The following NPC1 variants were observed in gnomAD, a reference collection of about 807,000 sequenced individuals.
NPC1 encodes the protein NPC intracellular cholesterol transporter 1, also known as Niemann-Pick C1 protein.
In NPC1, 85 loss-of-function variants were observed where a neutral mutation model predicts 140.4. The observed-to-expected ratio is 0.61, with a 90% CI of 0.51 to 0.72. The LOEUF is 0.72. NPC1 is among the 30% of genes least tolerant of loss of function. The probability of loss-of-function intolerance (pLI) is 0.00; values close to 1 mark genes in which losing one functional copy is unlikely to be tolerated. For missense variants in NPC1, 1,504 were observed against 1,623.8 expected (o/e 0.93, Z 1.27); for synonymous variants, 656 against 624.8 (o/e 1.05, Z -0.74).
intron 3 of NPC1, chr18:23,516,480 TAGA>T (rs1234917254): frequency 5.1e-6 from 8 of 1,562,144 alleles, no homozygotes; most frequent in Admixed American, 5.0e-5. Flanking sequence ...ATATAAATAA[TAGA>T]AGGAGTGTGT....
chr18:23,533,083 TC>T, intron 24 of NPC1: 1 of 656,678 alleles, frequency 1.5e-6, no homozygotes, highest in South Asian at 2.0e-5. Context: ...GACACTCAGA[TC>T]CATTCAAGGA....
downstream of NPC1, among the ~76,000 whole-genome samples, chr18:23,525,527 C>T (rs1008728975): frequency 5.3e-5 from 8 of 151,848 alleles, no homozygotes; most frequent in Admixed American, 4.6e-4. Context: ...TGGGTTTAAG[C>T]GATTCTCCTG....
At chr18:23,514,127 C>T (rs1235128136) in intron 3 of NPC1, among the ~76,000 whole-genome samples, 2 of 152,106 alleles carry the variant, frequency 1.3e-5, no homozygotes, top group Non-Finnish European at 2.9e-5. Flanking sequence ...TTTTGTTGAC[C>T]TAATGAAAGT....
downstream of NPC1, chr18:23,526,705 A>G (rs138572658): frequency 1.8e-5 from 29 of 1,613,950 alleles, no homozygotes; most frequent in South Asian, 2.2e-5. Flanking sequence ...AGGAAGACTC[A>G]TGGACTTTCT....
In NPC1 at chr18:23,544,544, C is replaced by T; in HGVS notation, c.1948-18G>A. On this transcript the variant is annotated intron_variant, in intron 12 of 24. Transcript: ENST00000269228. ...GAATCCACCTGAGAGAGGCGACAGA[C>T]ACAATCACCAATTAGTTACAGGGTT... The T allele has an allele frequency of 6.2e-7, 1 of 1,613,068 alleles. No individual in the cohort carries two copies. Among genetic ancestry groups the T allele is most frequent in the African/African-American group, 1.3e-5 (1 of 75,040 alleles).
At chr18:23,524,941 C>CTTTTTTTT (rs5823396), downstream of NPC1, among the ~76,000 whole-genome samples, 8 of 69,214 alleles carry the variant, frequency 1.2e-4, no homozygotes, top group East Asian at 5.1e-4. Flanking sequence ...TTAGAGAAAT[C>CTTTTTTTT]TTTTTTTTTT....
downstream of NPC1, chr18:23,529,929 T>C (rs557267623): frequency 7.3e-5 from 88 of 1,210,004 alleles, no homozygotes; most frequent in South Asian, 1.1e-3. Flanking sequence ...TGACAGACTT[T>C]TACTGTGTTG....
At chr18:23,508,096 A>T in intron 3 of NPC1, 2 of 1,520,104 alleles carry the variant, frequency 1.3e-6, no homozygotes, top group South Asian at 2.6e-5. Context: ...GAGCTGGGTT[A>T]TGTAGTGGAG....
rs142065882 is a variant in NPC1 at position 23,568,989 on chromosome 18, G to C, written c.297C>G (p.Ser99=). ...LPLQFLSRCP[S]CFYNLLNLFC... is the part of the protein sequence containing the mutation. ...ACAGGTTCAGTAGGTTATAAAAACAGGATGGACATCTAAAGGAAAAGTAAA... is the reference window on the plus strand; with the variant it reads ...ACAGGTTCAGTAGGTTATAAAAACACGATGGACATCTAAAGGAAAAGTAAA... Residue 99 remains serine, a synonymous_variant, in exon 4 of 25, where the codon TCC becomes TCG. Coordinates refer to ENST00000269228, the MANE Select transcript of NPC1 (RefSeq NM_000271.5). The C allele has an allele frequency of 6.2e-7, 1 of 1,612,712 alleles. No homozygotes were observed. The highest frequency in any genetic ancestry group is 1.3e-5 in the African/African-American group (1 of 75,002).
In NPC1 at chr18:23,568,786, C is replaced by G. The variant is rs1370261759; in HGVS notation, c.463+37G>C. On this transcript the variant is annotated intron_variant, in intron 4 of 24. Coordinates refer to ENST00000269228, the MANE Select transcript of NPC1 (RefSeq NM_000271.5). ...AACAATTTGCTCTGCTGTCCTGATG[C>G]CAGCTGTAAAAGAGGAATAATTAAA... The G allele has an allele frequency of 1.9e-6, 3 of 1,549,302 alleles. No homozygotes were observed. The South Asian group carries it at 3.3e-5, about 17-fold the overall frequency.
intron 1 of NPC1, among the ~76,000 whole-genome samples, chr18:23,585,266 C>T (rs2059403566): frequency 6.6e-6 from 1 of 152,164 alleles, no homozygotes; most frequent in Non-Finnish European, 1.5e-5. Flanking sequence ...GTTTTTAAGA[C>T]GGTGTTTCAC....
chr18:23,573,488 TG>T lies in NPC1; in HGVS notation c.143del (p.Pro48GlnfsTer11). 6.2e-7 allele frequency: 1 copy of T among 1,614,222 alleles called. No individual in the cohort carries two copies. Among genetic ancestry groups the T allele is most frequent in the Non-Finnish European group, 8.5e-7 (1 of 1,180,036 alleles). ...CATATCCATCCTTTGGCAATGGTTT[TG>T]GTGGGCCAGAATATTCGCAATTGTA... ...KRYNCEYSGPPKPLPKDGYDL... is the reference protein window; with the variant it reads ...KRYNCEYSGPXKPLPKDGYDL... On this transcript the variant is annotated frameshift_variant, in exon 2 of 25. Transcript: ENST00000269228. LOFTEE classifies it high-confidence loss of function.
At position 23,561,405 on chromosome 18, in the gene NPC1, T is replaced by C. The variant is rs754653682; in HGVS notation, c.586A>G (p.Lys196Glu). 5 of 1,614,190 alleles carry C rather than the reference T, an allele frequency of 3.1e-6. No homozygotes were observed. The East Asian group carries it at 1.1e-4, about 36-fold the overall frequency. Residue 196 changes from lysine to glutamate, a missense_variant, in exon 5 of 25, where the codon AAG becomes GAG. Transcript: ENST00000269228. The stretch of plus-strand genomic sequence containing the variant: ...GTAAAAGGTGCCTGTCCATTGTCCT[T>C]ATTGAACATGTATTCAATCCAGTTG... ...ATNWIEYMFN[K>E]DNGQAPFTIT...
intron 1 of NPC1, among the ~76,000 whole-genome samples, chr18:23,583,787 C>T (rs1490923317): frequency 6.6e-6 from 1 of 152,148 alleles, no homozygotes; most frequent in Non-Finnish European, 1.5e-5. Flanking sequence ...TCCCTCTGCC[C>T]ACTGGCTCAA....
At chr18:23,557,657 G>C (rs1046977827) in intron 6 of NPC1, among the ~76,000 whole-genome samples, 3 of 152,192 alleles carry the variant, frequency 2.0e-5, no homozygotes, top group African/African-American at 7.2e-5. Context: ...CAGGAGAACT[G>C]CTTGAACCAG....
chr18:23,558,570 T>TC (rs2058988996), intron 6 of NPC1, among the ~76,000 whole-genome samples: 1 of 152,168 alleles, frequency 6.6e-6, no homozygotes, highest in Non-Finnish European at 1.5e-5. Context: ...TAGAGGGGAC[T>TC]CATAAAACAC....
chr18:23,528,440 G>C (rs1349981360), downstream of NPC1: 1 of 153,582 alleles, frequency 6.5e-6, no homozygotes, highest in Non-Finnish European at 1.4e-5. Context: ...TCTGAAGCCA[G>C]AAGAAAAGTT....
intron 3 of NPC1, among the ~76,000 whole-genome samples, chr18:23,571,701 T>A (rs1479741170): frequency 4.0e-5 from 6 of 150,886 alleles, no homozygotes; most frequent in Non-Finnish European, 8.9e-5. Context: ...TAGCTAGACA[T>A]GGTAGTGCAT....
chr18:23,509,337 C>T lies in NPC1; in HGVS notation c.432-2695G>A, dbSNP rs533183865. ...AAGTTCAGTGATAGCATTCTGGCAG[C>T]CTTTTGAATTCAGTACTGAATATAT... On this transcript the variant is annotated intron_variant, in intron 3 of 3. Coordinates refer to the NPC1 transcript ENST00000591107. 9 of 767,430 alleles carry T rather than the reference C, an allele frequency of 1.2e-5. No homozygotes were observed. The South Asian group carries it at 2.2e-4, about 19-fold the overall frequency. The allele number at this position is 767,430 out of a possible 1,614,324, so 47.5% of individuals were successfully genotyped here. A position where few individuals can be genotyped will look rare whatever the true frequency, so the allele number is the denominator to read the frequency against.
Sources: gnomAD v4.1 joint callset for allele counts (sites outside exome capture counted in the v4.1 genomes callset) on GRCh38, gnomAD v4.1.1 for gene constraint, MANE v1.5 for transcripts, NCBI Gene and HGNC (gene_info 2026-07-23, HGNC 2026-07-21) for gene names.